DCLRE1C: variants seen among roughly 807,000 people sequenced by gnomAD.
The protein encoded by DCLRE1C is DNA cross-link repair 1C.
DCLRE1C carries 47 observed loss-of-function variants against 61.4 expected under a neutral mutation model. That is an observed-to-expected ratio of 0.77 (90% CI 0.61 to 0.98). The LOEUF is 0.98. Among genes scored for constraint, DCLRE1C ranks in the 50% least tolerant of loss-of-function variants. The pLI is 0.00. For missense variants in DCLRE1C, 858 were observed against 816.0 expected (o/e 1.05, Z -0.63); for synonymous variants, 337 against 287.6 (o/e 1.17, Z -1.74).
chr10:14,953,920 G>A lies in DCLRE1C; in HGVS notation c.91C>T (p.Leu31=), dbSNP rs1275150703. Residue 31 remains leucine, a synonymous_variant, in exon 1 of 14, where the codon CTG becomes TTG. Coordinates refer to ENST00000378278, the MANE Select transcript of DCLRE1C (RefSeq NM_001033855.3). ...CACTCACCTTTGTGGCAGTGGGACA[G>A]GAAGTAGGCGCGGGCCCTCAGGTTC... ...RENLRARAYF[L]SHCHKDHMKG... 1 of 1,613,932 alleles carries A rather than the reference G, an allele frequency of 6.2e-7. No individual in the cohort carries two copies. The highest frequency in any genetic ancestry group is 2.2e-5 in the East Asian group (1 of 44,892).
At chr10:14,897,418 T>C in exon 14 of DCLRE1C, 1 of 1,613,416 alleles carries the variant, frequency 6.2e-7, no homozygotes, top group Non-Finnish European at 8.5e-7. Context: ...GCACACAGTA[T>C]TCGCTTTGCA....
chr10:14,953,741 C>T (rs1036506476), intron 1 of DCLRE1C, among the ~76,000 whole-genome samples, 161 bp downstream of exon 1: 7 of 152,178 alleles, frequency 4.6e-5, no homozygotes, highest in Non-Finnish European at 1.5e-5. Flanking sequence ...ATAGATGAAG[C>T]CTTTGAGAGG....
chr10:14,951,264 C>T (rs978612115), intron 1 of DCLRE1C, among the ~76,000 whole-genome samples: 4 of 151,182 alleles, frequency 2.6e-5, no homozygotes, highest in Admixed American at 6.6e-5. Flanking sequence ...GTCTGTAATC[C>T]CAACTACTCA....
At position 14,910,164 on chromosome 10, in the gene DCLRE1C, T is replaced by C. The variant is rs189707872; in HGVS notation, c.1157-834A>G. Among the ~76,000 whole-genome samples the C allele has an allele frequency of 2.2e-3, 340 of 152,278 alleles. 1 individual carries two copies. Among genetic ancestry groups the C allele is most frequent in the Admixed American group, 4.1e-3 (63 of 15,286 alleles). The stretch of plus-strand genomic sequence containing the variant: ...ATATAAAGGACCATAGAGACCATTA[T>C]CCAGCTCCCATGTTCCCCGTGTGAA... On this transcript the variant is annotated intron_variant, in intron 13 of 13. Coordinates refer to ENST00000378278, the MANE Select transcript of DCLRE1C (RefSeq NM_001033855.3).
At chr10:14,947,266 C>T (rs188156916) in intron 2 of DCLRE1C, among the ~76,000 whole-genome samples, 12 of 152,102 alleles carry the variant, frequency 7.9e-5, no homozygotes, top group Admixed American at 7.2e-4. Flanking sequence ...TGGTTCTAGC[C>T]CCTAGCTGTG....
rs576589742 is a variant in DCLRE1C, at chr10:14,928,188, C to T, written c.781-36G>A. ...TAAAAAGCATAGAAAAACAGTTCTACATTTTCTACAAATCTGTTGTAGGCA... is the reference window on the plus strand; with the variant it reads ...TAAAAAGCATAGAAAAACAGTTCTATATTTTCTACAAATCTGTTGTAGGCA... On this transcript the variant is annotated intron_variant, in intron 9 of 13. Transcript: ENST00000378278. 1.2e-4 allele frequency: 193 copies of T among 1,597,890 alleles called. 2 individuals are homozygous for T. The South Asian group carries it at 1.9e-3, about 16-fold the overall frequency.
intron 11 of DCLRE1C, among the ~76,000 whole-genome samples, chr10:14,926,431 G>A (rs1837985753): frequency 1.3e-5 from 2 of 152,122 alleles, no homozygotes; most frequent in African/African-American, 4.8e-5. Flanking sequence ...AAGGCAGACG[G>A]ATTACCTGAC....
At chr10:14,933,040 C>T in intron 8 of DCLRE1C, 85 bp from the exon 9 acceptor site, 1 of 1,438,360 alleles carries the variant, frequency 7.0e-7, no homozygotes, top group Non-Finnish European at 9.7e-7. Context: ...GGCAAAACAC[C>T]CAGTTAGTGA....
At chr10:14,937,708 T>A (rs1840176105) in intron 4 of DCLRE1C, among the ~76,000 whole-genome samples, 1 of 151,986 alleles carries the variant, frequency 6.6e-6, no homozygotes, top group Non-Finnish European at 1.5e-5. Flanking sequence ...CTGGCCAACA[T>A]GGCGAAACCC....
chr10:14,912,882 C>G (rs182467381), intron 13 of DCLRE1C, among the ~76,000 whole-genome samples: 1 of 150,266 alleles, frequency 6.7e-6, no homozygotes, highest in Non-Finnish European at 1.5e-5. Flanking sequence ...GGGGTTTCAC[C>G]GTGTTAGCCA....
At chr10:14,913,787 T>C (rs1835701041) in intron 13 of DCLRE1C, among the ~76,000 whole-genome samples, 1 of 152,224 alleles carries the variant, frequency 6.6e-6, no homozygotes. Context: ...GTGTAGGTTA[T>C]ATGCAAATGT....
At chr10:14,909,944 A>G (rs1195380415) in intron 13 of DCLRE1C, among the ~76,000 whole-genome samples, 3 of 152,254 alleles carry the variant, frequency 2.0e-5, no homozygotes, top group Non-Finnish European at 4.4e-5. Context: ...CTGTGTCAAC[A>G]AATGTTCTTA....
At chr10:14,940,797 T>C (rs981420601) in intron 3 of DCLRE1C, among the ~76,000 whole-genome samples, 1 of 152,366 alleles carries the variant, frequency 6.6e-6, no homozygotes, top group Non-Finnish European at 1.5e-5. Context: ...ATGAAACATC[T>C]TATTCATGAT....
downstream of DCLRE1C, among the ~76,000 whole-genome samples, chr10:14,900,543 T>C (rs1833932802): frequency 6.6e-6 from 1 of 152,204 alleles, no homozygotes; most frequent in Non-Finnish European, 1.5e-5. Context: ...CGAGATACTC[T>C]CAAAATAGAG....
exon 14 of DCLRE1C, chr10:14,899,283 G>T (rs904972641): frequency 4.3e-6 from 3 of 702,088 alleles, no homozygotes; most frequent in Non-Finnish European, 7.8e-6. Flanking sequence ...TGGCACCACC[G>T]CATTCTAGCC....
At chr10:14,944,336 T>C (rs1719352656) in intron 3 of DCLRE1C, among the ~76,000 whole-genome samples, 2 of 151,940 alleles carry the variant, frequency 1.3e-5, no homozygotes, top group Admixed American at 1.3e-4. Context: ...CTCTGCCTAC[T>C]AAAAACACAA....
At chr10:14,916,643 G>A (rs1357247260) in intron 13 of DCLRE1C, among the ~76,000 whole-genome samples, 1 of 152,122 alleles carries the variant, frequency 6.6e-6, no homozygotes. Flanking sequence ...ATCAGGAATT[G>A]AAACTTAAAA....
intron 6 of DCLRE1C, among the ~76,000 whole-genome samples, chr10:14,934,985 G>A (rs1839664480): frequency 6.6e-6 from 1 of 151,820 alleles, no homozygotes; most frequent in Admixed American, 6.6e-5. Context: ...ACCACACCTT[G>A]CTAATTTTTG....
rs59724299 is a variant in DCLRE1C at position 14,899,391 on chromosome 10, G to A, written c.1157-79C>T. 2,122 of 822,562 alleles carry A rather than the reference G, an allele frequency of 2.6e-3. 33 individuals are homozygous for A. The African/African-American group carries it at 0.032, about 13-fold the overall frequency. 51.0% of individuals were successfully genotyped at this position (822,562 alleles called of 1,614,324 possible). A position where few individuals can be genotyped will look rare whatever the true frequency, so the allele number is the denominator to read the frequency against. On this transcript the variant is annotated intron_variant, in intron 13 of 13. Transcript: ENST00000378289. The stretch of plus-strand genomic sequence containing the variant: ...CATTTTCCCACCTCTTTGCATCTGA[G>A]TCTTAGTTTGTGTGAATGTTTGCTT...
Sources: allele counts gnomAD v4.1 joint callset (sites outside exome capture counted in the v4.1 genomes callset), GRCh38; gene constraint gnomAD v4.1.1; transcripts MANE v1.5; gene names NCBI Gene and HGNC (gene_info 2026-07-23, HGNC 2026-07-21).